ST8SIA4: variants seen among roughly 807,000 people sequenced by gnomAD.
ST8SIA4 encodes the protein CMP-N-acetylneuraminate-poly-alpha-2,8-sialyltransferase.
In ST8SIA4, 15 loss-of-function variants were observed where a neutral mutation model predicts 33.9. The ratio of observed to expected loss-of-function variants is 0.44; its 90% CI spans 0.30 to 0.68. The LOEUF (loss-of-function observed/expected upper bound fraction) is 0.68. Among genes scored for constraint, ST8SIA4 ranks in the 30% least tolerant of loss-of-function variants. The probability of loss-of-function intolerance (pLI) is 0.10; values close to 1 mark genes in which losing one functional copy is unlikely to be tolerated. For synonymous variants in ST8SIA4, 171 were observed against 151.2 expected (o/e 1.13, Z -0.96); for missense variants, 321 against 428.0 (o/e 0.75, Z 2.21).
intron 3 of ST8SIA4, among the ~76,000 whole-genome samples, chr5:100,885,150 A>T (rs1469929832): frequency 6.6e-6 from 1 of 151,984 alleles, no homozygotes; most frequent in Non-Finnish European, 1.5e-5. Flanking sequence ...CCCTCATCAA[A>T]TTTTTTACAT....
intron 3 of ST8SIA4, among the ~76,000 whole-genome samples, chr5:100,864,966 C>T (rs1045641526): frequency 6.6e-6 from 1 of 152,130 alleles, no homozygotes; most frequent in African/African-American, 2.4e-5. Context: ...CTCCCAGAAA[C>T]CGACTCTGGC....
intron 3 of ST8SIA4, among the ~76,000 whole-genome samples, chr5:100,885,014 T>C (rs1752506649): frequency 7.8e-6 from 1 of 129,004 alleles, no homozygotes; most frequent in Non-Finnish European, 1.9e-5. Context: ...ACATCGTTAC[T>C]TCTTTGTTTT....
At chr5:100,899,702 C>T (rs982628281) in intron 1 of ST8SIA4, among the ~76,000 whole-genome samples, 2 of 152,120 alleles carry the variant, frequency 1.3e-5, no homozygotes, top group Non-Finnish European at 2.9e-5. Context: ...AATATATTAT[C>T]TCATTAAATG....
chr5:100,818,739 AC>A (rs931430650), intron 4 of ST8SIA4, among the ~76,000 whole-genome samples: 40 of 152,162 alleles, frequency 2.6e-4, no homozygotes, highest in African/African-American at 9.4e-4. Context: ...TACAGACAAT[AC>A]TTTATCAAAC....
chr5:100,828,785 C>T (rs1177500619), intron 4 of ST8SIA4, among the ~76,000 whole-genome samples: 1 of 152,082 alleles, frequency 6.6e-6, no homozygotes, highest in African/African-American at 2.4e-5. Flanking sequence ...AGGTAAACTA[C>T]TATTTTTTAA....
rs547647781 is a variant in ST8SIA4, at chr5:100,897,769, A to G, written c.114-1984T>C. 3.3e-5 allele frequency among the ~76,000 whole-genome samples: 5 copies of G among 152,338 alleles called. No homozygotes were observed. In the East Asian group the frequency reaches 9.6e-4, roughly 29 times the overall value. ...AATTCTATAAAAATTAATATCTTAA[A>G]CTATCCTACTGATGAAAATGATACG... On this transcript the variant is annotated intron_variant, in intron 1 of 4. Transcript: ENST00000231461.
intron 2 of ST8SIA4, among the ~76,000 whole-genome samples, chr5:100,892,535 A>C (rs1335823166): frequency 3.3e-5 from 5 of 152,140 alleles, no homozygotes; most frequent in Admixed American, 3.3e-4. Context: ...ATGAAAATAA[A>C]ATAAGGCATA....
chr5:100,811,845 C>A lies in ST8SIA4; in HGVS notation c.*2G>T. 2 of 1,600,712 alleles carry A rather than the reference C, an allele frequency of 1.2e-6. No homozygotes were observed. The highest frequency in any genetic ancestry group is 2.2e-5 in the East Asian group (1 of 44,678). On this transcript the variant is annotated 3_prime_UTR_variant, in exon 5 of 5. Coordinates refer to ENST00000231461, the MANE Select transcript of ST8SIA4 (RefSeq NM_005668.6). Reference sequence around the variant, plus strand: ...TGCATATTGTTTGTTTCAAAATGTGCTTTATTGCTTTACACACTTTCCTGT... The same window carrying A: ...TGCATATTGTTTGTTTCAAAATGTGATTTATTGCTTTACACACTTTCCTGT...
At chr5:100,879,405 G>C (rs901084185) in intron 3 of ST8SIA4, among the ~76,000 whole-genome samples, 1 of 152,044 alleles carries the variant, frequency 6.6e-6, no homozygotes, top group Non-Finnish European at 1.5e-5. Flanking sequence ...AATTTGTAGA[G>C]CCCAATATAT....
At chr5:100,833,084 G>A (rs778277042) in intron 4 of ST8SIA4, among the ~76,000 whole-genome samples, 1 of 152,024 alleles carries the variant, frequency 6.6e-6, no homozygotes, top group African/African-American at 2.4e-5. Context: ...TATATCACAC[G>A]TAGGTGTCTG....
At chr5:100,895,169 A>G (rs1258475840) in intron 2 of ST8SIA4, among the ~76,000 whole-genome samples, 1 of 152,006 alleles carries the variant, frequency 6.6e-6, no homozygotes, top group Non-Finnish European at 1.5e-5. Context: ...TTATTTTCTG[A>G]TTTTTATCCA....
intron 3 of ST8SIA4, among the ~76,000 whole-genome samples, chr5:100,871,198 ATAAAAGAGTTAGCATTC>A: frequency 6.6e-6 from 1 of 152,050 alleles, no homozygotes; most frequent in Non-Finnish European, 1.5e-5. Context: ...CTATTTTGTC[ATAAAAGAGTTAGCATTC>A]AAGGAGGTCA....
intron 3 of ST8SIA4, among the ~76,000 whole-genome samples, chr5:100,880,019 A>G (rs1752382739): frequency 6.6e-6 from 1 of 152,110 alleles, no homozygotes; most frequent in African/African-American, 2.4e-5. Context: ...AGGGATTATC[A>G]TTCATGCAAG....
rs1437916742 is a variant in ST8SIA4 at position 100,808,853 on chromosome 5, T to C, written c.*2994A>G. The C allele has an allele frequency of 2.0e-5, 3 of 152,636 alleles. No homozygotes were observed. Among genetic ancestry groups the C allele is most frequent in the Non-Finnish European group, 4.4e-5 (3 of 68,038 alleles). The allele number at this position is 152,636 out of a possible 1,614,324, so 9.5% of individuals were successfully genotyped here. On this transcript the variant is annotated 3_prime_UTR_variant, in exon 5 of 5. Transcript: ENST00000231461. ...TATACAACAAGGAATGAAATGGGCT[T>C]GTACAGTTTGTCTTCTTTGAACCCT...
chr5:100,858,121 T>C (rs553042023), intron 3 of ST8SIA4, among the ~76,000 whole-genome samples: 1 of 152,082 alleles, frequency 6.6e-6, no homozygotes, highest in East Asian at 1.9e-4. Flanking sequence ...GACTTGATCA[T>C]TTTAAAGTCC....
At chr5:100,870,011 G>A (rs1035138667) in intron 3 of ST8SIA4, among the ~76,000 whole-genome samples, 6 of 151,906 alleles carry the variant, frequency 3.9e-5, no homozygotes, top group Admixed American at 6.6e-5. Flanking sequence ...CCCACCCCAC[G>A]ACAGGCCCTG....
intron 4 of ST8SIA4, among the ~76,000 whole-genome samples, chr5:100,827,296 C>T (rs929147990): frequency 2.0e-5 from 3 of 152,136 alleles, no homozygotes; most frequent in African/African-American, 7.2e-5. Flanking sequence ...TAATCTATAA[C>T]AATTTTGTCT....
chr5:100,895,991 T>C (rs1752771666), intron 1 of ST8SIA4, among the ~76,000 whole-genome samples: 1 of 152,098 alleles, frequency 6.6e-6, no homozygotes, highest in Non-Finnish European at 1.5e-5. Context: ...CGTAATATTT[T>C]TGAAATTAAA....
At chr5:100,823,028 G>A (rs1057123827) in intron 4 of ST8SIA4, among the ~76,000 whole-genome samples, 14 of 152,124 alleles carry the variant, frequency 9.2e-5, no homozygotes, top group African/African-American at 2.4e-4. Context: ...CTACTCGGGG[G>A]GCTGAGGGGG....
Sources: allele counts gnomAD v4.1 joint callset (sites outside exome capture counted in the v4.1 genomes callset), GRCh38; gene constraint gnomAD v4.1.1; transcripts MANE v1.5; gene names NCBI Gene and HGNC (gene_info 2026-07-23, HGNC 2026-07-21).